CAPZA2: variants seen among roughly 807,000 people sequenced by gnomAD.
CAPZA2 encodes capping actin protein of muscle Z-line subunit alpha 2.
A neutral mutation model predicts 44.0 loss-of-function variants in CAPZA2; 13 were observed. The observed-to-expected ratio is 0.30, with a 90% CI of 0.19 to 0.47. CAPZA2 has a LOEUF of 0.47. Ranked by LOEUF, CAPZA2 falls within the 20% of genes least tolerant of loss-of-function variation. The pLI is 1.00. For missense variants in CAPZA2, 244 were observed against 338.6 expected (o/e 0.72, Z 2.19); for synonymous variants, 94 against 108.2 (o/e 0.87, Z 0.81).
At chr7:116,880,040 C>G (rs1199497113) in intron 1 of CAPZA2, 2 of 463,600 alleles carry the variant, frequency 4.3e-6, no homozygotes, top group Non-Finnish European at 8.9e-6. Flanking sequence ...GTTTCTCCCG[C>G]TCTGATTGAT....
chr7:116,868,395 A>G (rs879295160), intron 1 of CAPZA2, among the ~76,000 whole-genome samples: 2 of 152,190 alleles, frequency 1.3e-5, no homozygotes, highest in Admixed American at 1.3e-4. Flanking sequence ...TGTAAAAACA[A>G]TATAAGCTGC....
At chr7:116,906,437 T>C in intron 6 of CAPZA2, 95 bp downstream of exon 6, 1 of 1,501,842 alleles carries the variant, frequency 6.7e-7, no homozygotes, top group East Asian at 2.4e-5. Context: ...TGTTTGTTTA[T>C]GATTAAGAAC....
rs199972501 is a variant in CAPZA2, at chr7:116,904,338, T to G, written c.381T>G (p.Ala127=). Residue 127 remains alanine, a synonymous_variant, in exon 5 of 10, where the codon GCT becomes GCG. Coordinates refer to ENST00000361183, the MANE Select transcript of CAPZA2 (RefSeq NM_006136.3). Reference sequence around the variant, plus strand: ...CATGGAGAACTTCAGTAGAAACTGCTCTGAGAGCTTACGTAAAAGAACATT... The same window carrying G: ...CATGGAGAACTTCAGTAGAAACTGCGCTGAGAGCTTACGTAAAAGAACATT... The part of the protein sequence containing the change: ...VESWRTSVET[A]LRAYVKEHYP... The G allele has an allele frequency of 2.5e-6, 4 of 1,613,776 alleles. No individual in the cohort carries two copies. The East Asian group carries it at 8.9e-5, about 36-fold the overall frequency.
At chr7:116,901,907 G>A (rs535180596) in intron 4 of CAPZA2, among the ~76,000 whole-genome samples, 8 of 151,222 alleles carry the variant, frequency 5.3e-5, no homozygotes, top group African/African-American at 1.5e-4. Flanking sequence ...GTGTGTGTGT[G>A]TGTGTATGTG....
intron 1 of CAPZA2, among the ~76,000 whole-genome samples, chr7:116,886,856 G>A (rs974458788): frequency 2.6e-5 from 4 of 152,178 alleles, no homozygotes; most frequent in African/African-American, 4.8e-5. Flanking sequence ...TACATAAGGT[G>A]CTTTCACTAA....
chr7:116,919,189 A>G lies in CAPZA2; in HGVS notation c.*1322A>G, dbSNP rs895709422. Reference sequence around the variant, plus strand: ...AGATTTTTAAAAATTCAATGAAAGCATGTTGTTTAATTTCTTTTTAAAATC... The same window carrying G: ...AGATTTTTAAAAATTCAATGAAAGCGTGTTGTTTAATTTCTTTTTAAAATC... On this transcript the variant is annotated 3_prime_UTR_variant, in exon 10 of 10. Transcript: ENST00000361183. 1 of 152,388 alleles carries G rather than the reference A, an allele frequency of 6.6e-6. No individual in the cohort carries two copies. The highest frequency in any genetic ancestry group is 1.5e-5 in the Non-Finnish European group (1 of 67,998). The allele number at this position is 152,388 out of a possible 1,614,324, so 9.4% of individuals were successfully genotyped here.
At chr7:116,890,989 C>T (rs1796840354) in intron 2 of CAPZA2, among the ~76,000 whole-genome samples, 1 of 151,956 alleles carries the variant, frequency 6.6e-6, no homozygotes, top group Non-Finnish European at 1.5e-5. Flanking sequence ...GTGTTAGAAT[C>T]ATCGAAACAT....
intron 6 of CAPZA2, chr7:116,909,994 A>G (rs1323998838): frequency 2.1e-6 from 1 of 483,890 alleles, no homozygotes; most frequent in East Asian, 3.9e-5. Flanking sequence ...TAGCTTTAGA[A>G]TTCTGGCATT....
rs754263459 is a variant in CAPZA2 at position 116,904,367 on chromosome 7, C to G, written c.410C>G (p.Pro137Arg). Reference sequence around the variant, plus strand: ...AGAGCTTACGTAAAAGAACATTACCCGAATGGAGTCTGCACTGTAAGTCAT... The same window carrying G: ...AGAGCTTACGTAAAAGAACATTACCGGAATGGAGTCTGCACTGTAAGTCAT... ...ALRAYVKEHY[P>R]NGVCTVYGKK... The change falls in exon 5 of 10, where the codon CCG (proline) becomes CGG (arginine). Residue 137 changes from proline (P) to arginine (R), a missense_variant. By Grantham distance (103) the Pro-to-Arg change is moderately radical. Coordinates refer to ENST00000361183, the MANE Select transcript of CAPZA2 (RefSeq NM_006136.3). The G allele has an allele frequency of 6.2e-7, 1 of 1,610,130 alleles. No homozygotes were observed. The highest frequency in any genetic ancestry group is 8.5e-7 in the Non-Finnish European group (1 of 1,176,482).
intron 3 of CAPZA2, among the ~76,000 whole-genome samples, chr7:116,894,771 T>C (rs965192074): frequency 6.6e-6 from 1 of 152,058 alleles, no homozygotes; most frequent in African/African-American, 2.4e-5. Flanking sequence ...TTGTGACTGG[T>C]CTATTTTACT....
At chr7:116,868,448 A>G (rs1796509454) in intron 1 of CAPZA2, among the ~76,000 whole-genome samples, 1 of 152,150 alleles carries the variant, frequency 6.6e-6, no homozygotes, top group Admixed American at 6.5e-5. Flanking sequence ...AAATGTTTTT[A>G]TTGGCTGGGC....
intron 1 of CAPZA2, among the ~76,000 whole-genome samples, chr7:116,868,681 C>T (rs562768405): frequency 2.6e-5 from 4 of 152,244 alleles, no homozygotes; most frequent in Middle Eastern, 3.4e-3. Flanking sequence ...TTGCAGTGAG[C>T]GGTGATCGCA....
chr7:116,890,640 G>A (rs542446709), intron 2 of CAPZA2, among the ~76,000 whole-genome samples: 1 of 133,108 alleles, frequency 7.5e-6, no homozygotes, highest in East Asian at 2.2e-4. Flanking sequence ...GCAGGGTGTG[G>A]GTGGTGCATG....
intron 1 of CAPZA2, chr7:116,875,295 T>C (rs1007817308): frequency 4.6e-5 from 7 of 152,250 alleles, no homozygotes; most frequent in Non-Finnish European, 7.3e-5. Context: ...ATTTTAGGTC[T>C]TCTAATTTGC....
At chr7:116,916,216 C>T in intron 9 of CAPZA2, 94 bp downstream of exon 9, 1 of 1,288,776 alleles carries the variant, frequency 7.8e-7, no homozygotes, top group Non-Finnish European at 1.0e-6. Flanking sequence ...TTTTCCATTG[C>T]ATCAGTTAGA....
intron 1 of CAPZA2, 51 bp downstream of exon 1, chr7:116,862,701 G>T: frequency 4.7e-6 from 7 of 1,498,242 alleles, no homozygotes; most frequent in Non-Finnish European, 4.5e-6. Flanking sequence ...GGCTCAGCCC[G>T]GGCGGGTGGG....
At chr7:116,870,817 A>G (rs1020574646) in intron 1 of CAPZA2, among the ~76,000 whole-genome samples, 4 of 152,224 alleles carry the variant, frequency 2.6e-5, no homozygotes, top group Non-Finnish European at 5.9e-5. Context: ...ATAAATGAAT[A>G]TAGGGGAAAG....
intron 5 of CAPZA2, among the ~76,000 whole-genome samples, chr7:116,905,150 A>G (rs1791476440): frequency 6.6e-6 from 1 of 151,678 alleles, no homozygotes; most frequent in Admixed American, 6.6e-5. Flanking sequence ...AAAAAAAAAA[A>G]AAGAAAAGAA....
At chr7:116,898,706 T>C (rs1457548618) in intron 3 of CAPZA2, 66 bp from the exon 4 acceptor site, 13 of 1,055,264 alleles carry the variant, frequency 1.2e-5, no homozygotes, top group Non-Finnish European at 1.4e-5. Context: ...GGTGAATTTT[T>C]TGACCATTGT....
Sources: gnomAD v4.1 joint callset for allele counts (sites outside exome capture counted in the v4.1 genomes callset) on GRCh38, gnomAD v4.1.1 for gene constraint, MANE v1.5 for transcripts, NCBI Gene and HGNC (gene_info 2026-07-23, HGNC 2026-07-21) for gene names.